Variants in PTPRO observed in about 807,000 individuals in gnomAD.
The protein encoded by PTPRO is receptor-type tyrosine-protein phosphatase O.
Under a neutral mutation model 145.2 loss-of-function variants are expected in PTPRO, and 62 were observed. The observed-to-expected ratio is 0.43, with a 90% confidence interval of 0.35 to 0.53. The LOEUF (loss-of-function observed/expected upper bound fraction) is 0.53, where lower values mean the gene tolerates loss of function less well. Among genes scored for constraint, PTPRO ranks in the 20% least tolerant of loss-of-function variants. The probability of loss-of-function intolerance (pLI) is 0.01; values close to 1 mark genes in which losing one functional copy is unlikely to be tolerated. For missense variants in PTPRO, 1,345 were observed against 1,482.7 expected, an observed-to-expected ratio of 0.91 and a Z score of 1.53; for synonymous variants, 565 against 514.7, an observed-to-expected ratio of 1.10 and a Z score of -1.32.
intron 8 of PTPRO, among the ~76,000 whole-genome samples, chr12:15,515,992 G>T (rs759526): frequency 0.92 from 116,516 of 126,584 alleles, 53,261 homozygotes; most frequent in South Asian, 0.98. Context: ...TTTTTGTTTT[G>T]TTTTTTTTTT....
intron 13 of PTPRO, among the ~76,000 whole-genome samples, chr12:15,547,174 G>A (rs947339806): frequency 6.6e-6 from 1 of 152,136 alleles, no homozygotes; most frequent in African/African-American, 2.4e-5. Context: ...AGGTCCATTC[G>A]ACCAAGAGAA....
chr12:15,446,764 T>TTTTTATTTATTAAAATA (rs1178754195), intron 1 of PTPRO, among the ~76,000 whole-genome samples: 5 of 150,984 alleles, frequency 3.3e-5, no homozygotes, highest in African/African-American at 1.2e-4. Context: ...GATATTAATT[T>TTTTTATTTATTAAAATA]TTTTATTTAT....
intron 1 of PTPRO, among the ~76,000 whole-genome samples, chr12:15,360,914 A>G (rs1938179596): frequency 6.9e-6 from 1 of 144,920 alleles, no homozygotes; most frequent in South Asian, 2.2e-4. Context: ...ACATATATAC[A>G]CACATGTATA....
chr12:15,527,955 T>C (rs1284713036), intron 12 of PTPRO, among the ~76,000 whole-genome samples: 1 of 143,026 alleles, frequency 7.0e-6, no homozygotes, highest in Non-Finnish European at 1.5e-5. Context: ...GTGAGCTCTC[T>C]GAACAAGAAT....
intron 14 of PTPRO, among the ~76,000 whole-genome samples, chr12:15,550,467 G>C (rs1352301376): frequency 1.3e-5 from 2 of 152,118 alleles, no homozygotes; most frequent in African/African-American, 4.8e-5. Flanking sequence ...TTTTGTTCAA[G>C]GGTCAACTGT....
At chr12:15,440,899 C>A (rs1940746905) in intron 1 of PTPRO, among the ~76,000 whole-genome samples, 1 of 152,122 alleles carries the variant, frequency 6.6e-6, no homozygotes, top group East Asian at 1.9e-4. Context: ...ACTTAGACAG[C>A]CACACAATAA....
chr12:15,526,649 T>C (rs780276771), intron 12 of PTPRO, among the ~76,000 whole-genome samples: 9 of 152,168 alleles, frequency 5.9e-5, no homozygotes. Flanking sequence ...TTTAAAAATC[T>C]ACATATTGAT....
chr12:15,410,305 A>T (rs1390444723), intron 1 of PTPRO: 3 of 152,150 alleles, frequency 2.0e-5, no homozygotes, highest in African/African-American at 7.2e-5. Context: ...TGTTTCCAGG[A>T]GAGATAAGTA....
intron 6 of PTPRO, among the ~76,000 whole-genome samples, chr12:15,504,551 A>G (rs1016667032): frequency 3.9e-5 from 6 of 152,208 alleles, no homozygotes; most frequent in Non-Finnish European, 8.8e-5. Context: ...GCAACCTGAA[A>G]GTCCCAGTGT....
At chr12:15,435,810 T>A (rs1940580052) in intron 1 of PTPRO, among the ~76,000 whole-genome samples, 1 of 152,202 alleles carries the variant, frequency 6.6e-6, no homozygotes, top group Non-Finnish European at 1.5e-5. Flanking sequence ...TAACACATAC[T>A]CCTCCAAATT....
intron 1 of PTPRO, among the ~76,000 whole-genome samples, chr12:15,461,533 T>TTCCTAG (rs1941301658): frequency 6.6e-6 from 1 of 151,664 alleles, no homozygotes; most frequent in Non-Finnish European, 1.5e-5. Context: ...CCACTGCTAT[T>TTCCTAG]TCCTAGTCCA....
intron 7 of PTPRO, among the ~76,000 whole-genome samples, chr12:15,513,642 T>C (rs1378169360): frequency 1.3e-5 from 2 of 152,208 alleles, no homozygotes; most frequent in Non-Finnish European, 2.9e-5. Flanking sequence ...AAAATCTTAA[T>C]GGGACTCTAA....
At position 15,514,302 on chromosome 12, in the gene PTPRO, AT is replaced by A. The variant is rs1376226505; in HGVS notation, c.1465-1194del. ...CCTCGTCTCTACTAAAAATACAAAA[AT>A]TAGCTGGGCGTGGTGGCCCACAACT... On this transcript the variant is annotated intron_variant, in intron 7 of 26. Coordinates refer to ENST00000281171, the MANE Select transcript of PTPRO (RefSeq NM_030667.3). Among the ~76,000 whole-genome samples the A allele has an allele frequency of 6.6e-5, 10 of 152,118 alleles. No homozygotes were observed. In the East Asian group the frequency reaches 1.7e-3, roughly 27 times the overall value.
At chr12:15,367,364 G>A (rs368834246) in intron 1 of PTPRO, among the ~76,000 whole-genome samples, 57 of 152,302 alleles carry the variant, frequency 3.7e-4, no homozygotes, top group African/African-American at 1.3e-3. Flanking sequence ...ATGGAAAAAA[G>A]AGGGAAGAAG....
intron 10 of PTPRO, among the ~76,000 whole-genome samples, chr12:15,523,747 C>T (rs1942777116): frequency 6.6e-6 from 1 of 151,544 alleles, no homozygotes; most frequent in Non-Finnish European, 1.5e-5. Flanking sequence ...TGCACTCCAG[C>T]TTGCGTGACA....
chr12:15,414,269 T>A (rs1011663671), intron 1 of PTPRO, among the ~76,000 whole-genome samples: 7 of 152,234 alleles, frequency 4.6e-5, no homozygotes, highest in African/African-American at 1.7e-4. Flanking sequence ...CTTGTTAAAA[T>A]GCAGATTTCG....
At chr12:15,381,146 G>A (rs774544648) in intron 1 of PTPRO, among the ~76,000 whole-genome samples, 18 of 151,998 alleles carry the variant, frequency 1.2e-4, no homozygotes, top group African/African-American at 3.4e-4. Context: ...TTAATTAATC[G>A]TGTATCCTTA....
chr12:15,593,723 C>G (rs545191219), intron 25 of PTPRO, among the ~76,000 whole-genome samples: 1 of 152,232 alleles, frequency 6.6e-6, no homozygotes, highest in South Asian at 2.1e-4. Context: ...TTACTATTAT[C>G]TGTGTCCACA....
chr12:15,435,204 G>A (rs1331100522), intron 1 of PTPRO, among the ~76,000 whole-genome samples: 2 of 152,150 alleles, frequency 1.3e-5, no homozygotes, highest in Admixed American at 6.5e-5. Context: ...AAGAGTGATT[G>A]TAGCTATCAA....
Sources: allele counts gnomAD v4.1 joint callset (sites outside exome capture counted in the v4.1 genomes callset), GRCh38; gene constraint gnomAD v4.1.1; transcripts MANE v1.5; gene names NCBI Gene and HGNC (gene_info 2026-07-23, HGNC 2026-07-21).